Variants in CSMD3 observed in about 807,000 individuals in gnomAD.
CSMD3 encodes CUB and sushi domain-containing protein 3.
CSMD3 carries 177 observed loss-of-function variants against 435.2 expected under a neutral mutation model. The ratio of observed to expected loss-of-function variants is 0.41; its 90% CI spans 0.36 to 0.46. CSMD3 has a LOEUF of 0.46. Ranked by LOEUF, CSMD3 falls within the 20% of genes least tolerant of loss-of-function variation. CSMD3 has a pLI of 0.34. For synonymous variants in CSMD3, 1,656 were observed against 1,520.5 expected (o/e 1.09, Z -2.07); for missense variants, 4,265 against 4,504.6 (o/e 0.95, Z 1.52).
At chr8:113,203,829 T>G (rs1306104162) in intron 3 of CSMD3, among the ~76,000 whole-genome samples, 1 of 152,162 alleles carries the variant, frequency 6.6e-6, no homozygotes, top group East Asian at 1.9e-4. Flanking sequence ...ATTTTTCTTA[T>G]ATAGGTGAGA....
chr8:113,152,971 A>G (rs950945386), intron 4 of CSMD3, among the ~76,000 whole-genome samples: 1 of 151,638 alleles, frequency 6.6e-6, no homozygotes, highest in Non-Finnish European at 1.5e-5. Context: ...ACTCTTTCAG[A>G]AAAGAAAAGA....
At position 113,375,262 on chromosome 8, in the gene CSMD3, T is replaced by C. The variant is rs187439143; in HGVS notation, c.179-60469A>G. Among the ~76,000 whole-genome samples the C allele has an allele frequency of 4.8e-3, 732 of 152,228 alleles. 12 individuals carry two copies. Among genetic ancestry groups the C allele is most frequent in the African/African-American group, 0.017 (705 of 41,540 alleles). ...ATGTAGCTCACAAAATACAGAGTTG[T>C]TACACCAGAAAAGAGACTTAATAAC... On this transcript the variant is annotated intron_variant, in intron 1 of 70. Coordinates refer to ENST00000297405, the MANE Select transcript of CSMD3 (RefSeq NM_198123.2).
intron 24 of CSMD3, among the ~76,000 whole-genome samples, chr8:112,571,999 T>G (rs890622847): frequency 6.6e-6 from 1 of 151,778 alleles, no homozygotes; most frequent in African/African-American, 2.4e-5. Flanking sequence ...TCAGTGGCCC[T>G]TTTAGAAAAC....
intron 31 of CSMD3, among the ~76,000 whole-genome samples, chr8:112,482,249 A>G (rs1819694440): frequency 6.6e-6 from 1 of 152,204 alleles, no homozygotes; most frequent in African/African-American, 2.4e-5. Flanking sequence ...AGTCCTATGA[A>G]CAGCTATATC....
At chr8:112,860,444 A>T (rs1352091325) in intron 10 of CSMD3, among the ~76,000 whole-genome samples, 7 of 151,602 alleles carry the variant, frequency 4.6e-5, no homozygotes, top group Admixed American at 1.3e-4. Flanking sequence ...TTCCCTTACC[A>T]TTATTTGCAA....
intron 24 of CSMD3, among the ~76,000 whole-genome samples, chr8:112,563,057 C>A (rs1195602645): frequency 2.0e-5 from 3 of 151,502 alleles, no homozygotes; most frequent in East Asian, 3.9e-4. Context: ...TCAGAATTCA[C>A]GAACAGGGAA....
intron 4 of CSMD3, among the ~76,000 whole-genome samples, chr8:113,165,929 T>G (rs1317076905): frequency 6.6e-6 from 1 of 151,922 alleles, no homozygotes; most frequent in African/African-American, 2.4e-5. Context: ...CATGGTGGGG[T>G]CAAGGGTGAT....
At chr8:112,300,616 A>C (rs1820825971) in intron 53 of CSMD3, among the ~76,000 whole-genome samples, 1 of 152,062 alleles carries the variant, frequency 6.6e-6, no homozygotes, top group South Asian at 2.1e-4. Context: ...GAAAGACACT[A>C]GTCTGAGAGG....
At chr8:113,291,457 G>C (rs1412203252) in intron 2 of CSMD3, among the ~76,000 whole-genome samples, 2 of 151,718 alleles carry the variant, frequency 1.3e-5, no homozygotes, top group Non-Finnish European at 3.0e-5. Context: ...ATGTTTCTTT[G>C]AAAAGCTAAT....
chr8:112,701,727 C>G (rs2076393231), intron 13 of CSMD3, among the ~76,000 whole-genome samples: 1 of 152,146 alleles, frequency 6.6e-6, no homozygotes, highest in South Asian at 2.1e-4. Context: ...ATGATCTCAG[C>G]CTTTCCTACC....
At chr8:112,330,960 C>T (rs937629751) in intron 45 of CSMD3, among the ~76,000 whole-genome samples, 3 of 151,946 alleles carry the variant, frequency 2.0e-5, no homozygotes, top group African/African-American at 4.8e-5. Context: ...AGCCCTTCTA[C>T]TTATTAGTTC....
chr8:113,093,204 G>A (rs2090060615), intron 5 of CSMD3, among the ~76,000 whole-genome samples: 1 of 151,966 alleles, frequency 6.6e-6, no homozygotes, highest in African/African-American at 2.4e-5. Context: ...AATCTGGAAG[G>A]AGAAAAATCA....
chr8:112,272,270 G>A (rs531442943), intron 59 of CSMD3, among the ~76,000 whole-genome samples: 1 of 152,256 alleles, frequency 6.6e-6, no homozygotes, highest in South Asian at 2.1e-4. Context: ...TTGATATCAG[G>A]ATGTTGGTTT....
At chr8:113,297,398 G>T (rs1433584918) in intron 2 of CSMD3, among the ~76,000 whole-genome samples, 1 of 151,958 alleles carries the variant, frequency 6.6e-6, no homozygotes, top group Admixed American at 6.6e-5. Flanking sequence ...GTTAGAAATT[G>T]TTCATAGAAA....
intron 38 of CSMD3, among the ~76,000 whole-genome samples, chr8:112,379,599 A>G (rs184236920): frequency 6.6e-6 from 1 of 152,330 alleles, no homozygotes; most frequent in East Asian, 1.9e-4. Context: ...TCCATACTAC[A>G]CAAAGCAACC....
chr8:112,583,134 G>A (rs1830455835), intron 23 of CSMD3, among the ~76,000 whole-genome samples: 2 of 151,984 alleles, frequency 1.3e-5, no homozygotes, highest in Admixed American at 1.3e-4. Flanking sequence ...GAAATGATTG[G>A]TTCCGGAAGT....
At chr8:112,915,840 T>A (rs1490709269) in intron 10 of CSMD3, among the ~76,000 whole-genome samples, 1 of 151,856 alleles carries the variant, frequency 6.6e-6, no homozygotes, top group Non-Finnish European at 1.5e-5. Context: ...TAAAAATTAT[T>A]ATTGCTTGTG....
intron 27 of CSMD3, chr8:112,539,283 T>C (rs1236922453): frequency 1.3e-5 from 2 of 152,404 alleles, no homozygotes; most frequent in African/African-American, 4.8e-5. Context: ...TCTGATATCA[T>C]TAGAAGCATG....
intron 4 of CSMD3, among the ~76,000 whole-genome samples, chr8:113,141,033 A>G (rs2131730130): frequency 6.6e-6 from 1 of 151,056 alleles, no homozygotes; most frequent in Non-Finnish European, 1.5e-5. Context: ...CCCTGAAGAT[A>G]GAAAAAAGTA....
Sources: allele counts gnomAD v4.1 joint callset (sites outside exome capture counted in the v4.1 genomes callset), GRCh38; gene constraint gnomAD v4.1.1; transcripts MANE v1.5; gene names NCBI Gene and HGNC (gene_info 2026-07-23, HGNC 2026-07-21).